PTPRT: variants seen among roughly 807,000 people sequenced by gnomAD.
PTPRT encodes receptor-type tyrosine-protein phosphatase T.
In PTPRT, 56 loss-of-function variants were observed where a neutral mutation model predicts 176.8. The ratio of observed to expected loss-of-function variants is 0.32; its 90% CI spans 0.26 to 0.40. The LOEUF (loss-of-function observed/expected upper bound fraction) is 0.40, where lower values mean the gene tolerates loss of function less well. Among genes scored for constraint, PTPRT ranks in the 10% least tolerant of loss-of-function variants. The pLI, the probability that PTPRT is intolerant of heterozygous loss-of-function variation, is 1.00. For missense variants in PTPRT, 1,540 were observed against 1,908.2 expected, an observed-to-expected ratio of 0.81 and a Z score of 3.60; for synonymous variants, 783 against 739.0, an observed-to-expected ratio of 1.06 and a Z score of -0.96.
At chr20:42,390,644 AGCTGTGT>A (rs2058792012) in intron 9 of PTPRT, among the ~76,000 whole-genome samples, 1 of 152,206 alleles carries the variant, frequency 6.6e-6, no homozygotes, top group Non-Finnish European at 1.5e-5. Context: ...CTCTGACAAT[AGCTGTGT>A]GAGTACACCA....
At chr20:42,081,770 G>A in intron 30 of PTPRT, 112 bp downstream of exon 30, 2 of 1,351,206 alleles carry the variant, frequency 1.5e-6, no homozygotes, top group Non-Finnish European at 2.1e-6. Context: ...CAGAATGCAG[G>A]TATACAATTA....
intron 7 of PTPRT, among the ~76,000 whole-genome samples, chr20:42,540,827 T>C (rs905884537): frequency 2.0e-5 from 3 of 152,112 alleles, no homozygotes; most frequent in Admixed American, 6.6e-5. Context: ...TGAATGTTGA[T>C]CTAGCCAAAA....
chr20:42,898,828 T>C (rs890676748), intron 1 of PTPRT, among the ~76,000 whole-genome samples: 1 of 152,024 alleles, frequency 6.6e-6, no homozygotes, highest in Non-Finnish European at 1.5e-5. Flanking sequence ...GGCCCTCTGT[T>C]GGGTCAGCGC....
At chr20:42,817,376 T>TC (rs1439338962) in intron 2 of PTPRT, among the ~76,000 whole-genome samples, 2 of 151,506 alleles carry the variant, frequency 1.3e-5, no homozygotes, top group Non-Finnish European at 2.9e-5. Context: ...TTTTTTTTTT[T>TC]TTTGGTTTAA....
intron 13 of PTPRT, among the ~76,000 whole-genome samples, chr20:42,273,596 AAAGACCATCCAAATCT>A (rs2056977065): frequency 6.6e-6 from 1 of 152,224 alleles, no homozygotes; most frequent in Admixed American, 6.5e-5. Flanking sequence ...ACCTAGAATC[AAAGACCATCCAAATCT>A]AAAGATGATG....
Position 42,085,765 on chromosome 20 carries a change from A to G in PTPRT, c.3935T>C (p.Ile1312Thr). The G allele has an allele frequency of 6.2e-7, 1 of 1,614,030 alleles. No homozygotes were observed. The highest frequency in any genetic ancestry group is 8.5e-7 in the Non-Finnish European group (1 of 1,180,006). The change falls in exon 28 of 31, where the codon ATC becomes ACC. Residue 1312 changes from isoleucine to threonine, a missense_variant. Ile to Thr is a moderately conservative substitution (Grantham distance 89). This residue lies in a region of PTPRT where 342 missense variants were observed against 394.0 expected (regional missense o/e 0.87). Coordinates refer to ENST00000373187, the MANE Select transcript of PTPRT (RefSeq NM_007050.6). ...EFVSADIDED[I>T]IHRIFRICNM... Reference sequence around the variant, plus strand: ...ACAGATGCGGAATATTCTGTGGATGATGTCCTCGTCGATGTCTGCGGAGAC... The same window carrying G: ...ACAGATGCGGAATATTCTGTGGATGGTGTCCTCGTCGATGTCTGCGGAGAC...
intron 7 of PTPRT, among the ~76,000 whole-genome samples, chr20:42,568,688 G>T (rs548827776): frequency 5.5e-4 from 83 of 152,202 alleles, no homozygotes; most frequent in African/African-American, 1.9e-3. Flanking sequence ...TGACCCTCCT[G>T]GCCTACAGAG....
intron 11 of PTPRT, among the ~76,000 whole-genome samples, chr20:42,318,339 A>T (rs566960359): frequency 2.6e-5 from 4 of 152,194 alleles, no homozygotes; most frequent in Non-Finnish European, 4.4e-5. Context: ...TGCAGGGCAG[A>T]AGTGGAGGGG....
At chr20:43,125,190 A>G (rs2146366736) in intron 1 of PTPRT, among the ~76,000 whole-genome samples, 1 of 148,696 alleles carries the variant, frequency 6.7e-6, no homozygotes, top group South Asian at 2.1e-4. Context: ...AGTAGAAATG[A>G]GGTTTCATCA....
intron 1 of PTPRT, among the ~76,000 whole-genome samples, chr20:43,184,095 A>G (rs1198802307): frequency 6.6e-6 from 1 of 152,108 alleles, no homozygotes; most frequent in African/African-American, 2.4e-5. Context: ...TACCAAAGTG[A>G]CTCCACCATT....
rs552932083 is a variant in PTPRT, at chr20:42,609,134, C to T, written c.1153+68732G>A. ...TGTCACCCAGGTTGGAGTGAAGTGG[C>T]GTGATCTTGGCTCACTGCAACCTCC... On this transcript the variant is annotated intron_variant, in intron 7 of 30. Transcript: ENST00000373187. 8.5e-5 allele frequency among the ~76,000 whole-genome samples: 13 copies of T among 152,112 alleles called. No individual in the cohort carries two copies. The South Asian group carries it at 1.2e-3, about 15-fold the overall frequency.
intron 27 of PTPRT, 47 bp from the exon 28 acceptor site, chr20:42,085,900 G>T (rs1569548): frequency 2.6e-5 from 40 of 1,537,650 alleles, no homozygotes; most frequent in East Asian, 6.9e-5. Context: ...GGCAGGGGGC[G>T]GGTATCAAAG....
chr20:42,034,646 T>C, the PTPRT span, among the ~76,000 whole-genome samples: 11 of 152,090 alleles, frequency 7.2e-5, 1 homozygote, highest in South Asian at 2.3e-3. Flanking sequence ...TTCCTGGGGG[T>C]TAAGCACAAT....
chr20:42,240,024 T>A (rs539334138), intron 14 of PTPRT, among the ~76,000 whole-genome samples: 184 of 152,310 alleles, frequency 1.2e-3, no homozygotes, highest in African/African-American at 4.3e-3. Context: ...CACTGAGCAT[T>A]CTGGACCTTC....
intron 9 of PTPRT, among the ~76,000 whole-genome samples, chr20:42,359,250 C>T (rs772520673): frequency 1.9e-4 from 29 of 152,268 alleles, no homozygotes; most frequent in East Asian, 5.8e-4. Flanking sequence ...GGAACAACAC[C>T]GGGGTCCCTT....
chr20:42,643,347 G>T (rs899671256), intron 7 of PTPRT, among the ~76,000 whole-genome samples: 3 of 152,000 alleles, frequency 2.0e-5, no homozygotes, highest in Non-Finnish European at 4.4e-5. Context: ...TTGAGAGAGG[G>T]TCTTGTTCTG....
chr20:42,047,560 C>T, the PTPRT span, among the ~76,000 whole-genome samples: 1 of 152,214 alleles, frequency 6.6e-6, no homozygotes, highest in Non-Finnish European at 1.5e-5. Context: ...GTTGATTTTG[C>T]ATTTCTCATA....
At chr20:43,071,257 C>T (rs369566480) in intron 1 of PTPRT, among the ~76,000 whole-genome samples, 1 of 152,318 alleles carries the variant, frequency 6.6e-6, no homozygotes. Context: ...CCTACACTAA[C>T]AACATTAGTA....
intron 7 of PTPRT, among the ~76,000 whole-genome samples, chr20:42,656,154 GA>G (rs1232728538): frequency 1.3e-5 from 2 of 152,182 alleles, no homozygotes; most frequent in Non-Finnish European, 2.9e-5. Context: ...GACCCTGGTA[GA>G]TGGGATTGTT....
Sources: gnomAD v4.1 joint callset for allele counts (sites outside exome capture counted in the v4.1 genomes callset) on GRCh38, gnomAD v4.1.1 for gene constraint, gnomAD v4.1.1 regional missense constraint, MANE v1.5 for transcripts, NCBI Gene and HGNC (gene_info 2026-07-23, HGNC 2026-07-21) for gene names.